The following COG6 variants were observed in gnomAD, a reference collection of about 807,000 sequenced individuals.
COG6 encodes component of oligomeric golgi complex 6, also known as conserved oligomeric Golgi complex subunit 6.
COG6 carries 74 observed loss-of-function variants against 88.8 expected under a neutral mutation model. The ratio of observed to expected loss-of-function variants is 0.83; its 90% CI spans 0.69 to 1.01. COG6 has a LOEUF of 1.01. COG6 is among the 50% of genes least tolerant of loss of function. The pLI is 0.00. For missense variants in COG6, 800 were observed against 797.9 expected (o/e 1.00, Z -0.03); for synonymous variants, 286 against 278.7 (o/e 1.03, Z -0.26).
Position 39,687,566 on chromosome 13 carries a change from G to C in COG6, c.852G>C (p.Ala284=). The C allele has an allele frequency of 6.2e-7, 1 of 1,613,060 alleles. No homozygotes were observed. Among genetic ancestry groups the C allele is most frequent in the Non-Finnish European group, 8.5e-7 (1 of 1,179,404 alleles). The change falls in exon 9 of 19, where the codon GCG becomes GCC. Residue 284 remains alanine, a synonymous_variant. Coordinates refer to ENST00000455146, the MANE Select transcript of COG6 (RefSeq NM_020751.3). The part of the protein sequence containing the change: ...RSTVVRGFID[A]LTRGGPGGTP... ...CAGTTGTTCGTGGATTTATTGATGC[G>C]CTCACAAGAGGGGGCCCCGGAGGTA...
intron 18 of COG6, among the ~76,000 whole-genome samples, chr13:39,759,105 T>G (rs570251435): frequency 6.6e-6 from 1 of 152,282 alleles, no homozygotes; most frequent in African/African-American, 2.4e-5. Context: ...TAACAGGTAC[T>G]TTTTGGAGTG....
At chr13:39,658,672 C>T (rs543065059) in intron 1 of COG6, among the ~76,000 whole-genome samples, 135 of 152,306 alleles carry the variant, frequency 8.9e-4, no homozygotes, top group African/African-American at 3.1e-3. Context: ...AGTGGCCTTC[C>T]TTCTACCACT....
At position 39,707,132 on chromosome 13, in the gene COG6, C is replaced by CT. The variant is rs1210881927; in HGVS notation, c.1284+7528dup. On this transcript the variant is annotated intron_variant, in intron 13 of 18. Transcript: ENST00000455146. ...AGAAGAAGAAGAACAAATGAGCTCA[C>CT]TTTTTTTTTTTTTTGAGACAGAGTC... 9.9e-3 allele frequency among the ~76,000 whole-genome samples: 1,410 copies of CT among 142,296 alleles called. 14 individuals are homozygous for CT. The highest frequency in any genetic ancestry group is 0.026 in the African/African-American group (1,002 of 39,128). The allele number at this position is 142,296 out of a possible 152,430, so 93.4% of individuals were successfully genotyped here. A position where few individuals can be genotyped will look rare whatever the true frequency, so the allele number is the denominator to read the frequency against.
At chr13:39,668,787 CAAA>C (rs58876374) in intron 4 of COG6, among the ~76,000 whole-genome samples, 3 of 89,508 alleles carry the variant, frequency 3.4e-5, no homozygotes, top group Admixed American at 1.3e-4. Context: ...GACTCCGTCT[CAAA>C]AAAAAAAAAA....
intron 12 of COG6, among the ~76,000 whole-genome samples, chr13:39,698,396 G>A (rs1877392311): frequency 6.6e-6 from 1 of 151,682 alleles, no homozygotes; most frequent in South Asian, 2.1e-4. Flanking sequence ...AATACTTATT[G>A]TTTCTTTAAA....
At chr13:39,673,674 T>A (rs1593414795) in intron 4 of COG6, among the ~76,000 whole-genome samples, 1 of 152,078 alleles carries the variant, frequency 6.6e-6, no homozygotes, top group Admixed American at 6.5e-5. Context: ...CTTTCTTAAA[T>A]TTTTTTGACA....
chr13:39,776,972 A>T (rs1881482481), intron 18 of COG6, among the ~76,000 whole-genome samples: 1 of 152,096 alleles, frequency 6.6e-6, no homozygotes, highest in African/African-American at 2.4e-5. Flanking sequence ...AGTTGTTACC[A>T]GGAAGAAACC....
chr13:39,691,359 C>A (rs1358588651), intron 11 of COG6, among the ~76,000 whole-genome samples: 2 of 151,816 alleles, frequency 1.3e-5, no homozygotes, highest in Non-Finnish European at 2.9e-5. Flanking sequence ...AATGTACATA[C>A]CCAGAAAGAT....
At chr13:39,776,218 A>G (rs1395427432) in intron 18 of COG6, among the ~76,000 whole-genome samples, 1 of 151,960 alleles carries the variant, frequency 6.6e-6, no homozygotes, top group Non-Finnish European at 1.5e-5. Context: ...CTCTGAGGTG[A>G]AAAAAAAGAG....
chr13:39,754,748 C>T (rs1289288669), downstream of COG6, among the ~76,000 whole-genome samples: 2 of 151,992 alleles, frequency 1.3e-5, no homozygotes, highest in Non-Finnish European at 1.5e-5. Context: ...AAAATATAAC[C>T]AAATTATGTG....
exon 19 of COG6, chr13:39,788,336 C>T (rs761379483): frequency 9.0e-6 from 14 of 1,551,682 alleles, no homozygotes; most frequent in Admixed American, 2.0e-5. Context: ...TGCTCACAGG[C>T]GTCCACCCAA....
Position 39,655,696 on chromosome 13 carries a change from G to T in COG6, c.-31G>T. ...GCCTCCGTGGTCCCTGCCTGGCTGA[G>T]GTGGCAGCAGGGGGCGGGACGCGCA... is the stretch of plus-strand genomic sequence containing the variant. On this transcript the variant is annotated 5_prime_UTR_variant, in exon 1 of 19. It adds an upstream start codon to the 5' untranslated region. Transcript: ENST00000455146. The T allele has an allele frequency of 6.4e-7, 1 of 1,551,036 alleles. No individual in the cohort carries two copies. The highest frequency in any genetic ancestry group is 2.4e-5 in the East Asian group (1 of 41,442).
intron 13 of COG6, among the ~76,000 whole-genome samples, chr13:39,701,587 GC>G (rs1566186152): frequency 6.6e-6 from 1 of 151,918 alleles, no homozygotes; most frequent in Non-Finnish European, 1.5e-5. Flanking sequence ...TATCAGAAAA[GC>G]CAAGAGAAGA....
chr13:39,718,278 T>C (rs1297829303), intron 13 of COG6, among the ~76,000 whole-genome samples: 3 of 152,130 alleles, frequency 2.0e-5, no homozygotes, highest in African/African-American at 7.2e-5. Flanking sequence ...ACTTTCTACA[T>C]GAAACCATCT....
intron 18 of COG6, among the ~76,000 whole-genome samples, chr13:39,749,332 A>G (rs2138144764): frequency 6.6e-6 from 1 of 152,340 alleles, no homozygotes; most frequent in Non-Finnish European, 1.5e-5. Flanking sequence ...ATGTGAACAT[A>G]AACAGTGTCA....
In COG6 at chr13:39,659,357, T is replaced by C. The variant is rs766573924; in HGVS notation, c.154-7T>C. On this transcript the variant is annotated splice_region_variant and splice_polypyrimidine_tract_variant and intron_variant, in intron 1 of 18. Coordinates refer to ENST00000455146, the MANE Select transcript of COG6 (RefSeq NM_020751.3). ...CCAGTAACTGTCTTCTGTTACCAATTGTATAGGAGATGTTAGAAGCTCTCA... is the reference window on the plus strand; with the variant it reads ...CCAGTAACTGTCTTCTGTTACCAATCGTATAGGAGATGTTAGAAGCTCTCA... 3 of 1,613,120 alleles carry C rather than the reference T, an allele frequency of 1.9e-6. No individual in the cohort carries two copies. Among genetic ancestry groups the C allele is most frequent in the South Asian group, 2.2e-5 (2 of 91,044 alleles).
Position 39,714,750 on chromosome 13 carries a change from G to T in COG6, c.1285-4486G>T, listed in dbSNP as rs557186319. ...ACTAAAAGATCTACCATTCAATCCA[G>T]CAATCCCACTACTGGGTATCTACCC... On this transcript the variant is annotated intron_variant, in intron 13 of 18. Transcript: ENST00000455146. Among the ~76,000 whole-genome samples, 3 of 152,242 alleles carry T rather than the reference G, an allele frequency of 2.0e-5. No homozygotes were observed. The South Asian group carries it at 6.2e-4, about 32-fold the overall frequency.
At chr13:39,712,058 C>T (rs1203461491) in intron 13 of COG6, among the ~76,000 whole-genome samples, 1 of 152,114 alleles carries the variant, frequency 6.6e-6, no homozygotes, top group African/African-American at 2.4e-5. Context: ...CGGGGTTTCG[C>T]CATATTGGCC....
intron 7 of COG6, 117 bp downstream of exon 7, chr13:39,680,162 T>C: frequency 1.5e-6 from 1 of 647,906 alleles, no homozygotes; most frequent in Non-Finnish European, 2.7e-6. Flanking sequence ...TTTTTAAAAA[T>C]AAAAATAGTA....
Sources: gnomAD v4.1 joint callset for allele counts (sites outside exome capture counted in the v4.1 genomes callset) on GRCh38, gnomAD v4.1.1 for gene constraint, MANE v1.5 for transcripts, NCBI Gene and HGNC (gene_info 2026-07-23, HGNC 2026-07-21) for gene names.